MAP3K7CL: variants seen among roughly 807,000 people sequenced by gnomAD.
MAP3K7CL encodes MAP3K7 C-terminal-like protein.
A neutral mutation model predicts 18.6 loss-of-function variants in MAP3K7CL; 16 were observed. That is an observed-to-expected ratio of 0.86 (90% CI 0.58 to 1.31). The LOEUF (loss-of-function observed/expected upper bound fraction) is 1.31, where lower values mean the gene tolerates loss of function less well. Among genes scored for constraint, MAP3K7CL ranks in the 50% most tolerant of loss-of-function variants. MAP3K7CL has a pLI of 0.00. For synonymous variants in MAP3K7CL, 65 were observed against 66.8 expected (o/e 0.97, Z 0.13); for missense variants, 163 against 174.4 (o/e 0.93, Z 0.37).
At chr21:29,145,342 A>T (rs2087104607) in intron 2 of MAP3K7CL, among the ~76,000 whole-genome samples, 1 of 152,050 alleles carries the variant, frequency 6.6e-6, no homozygotes. Context: ...AGTCTACTTT[A>T]TGCTTCTGGA....
At chr21:29,083,852 A>G (rs192642732), upstream of MAP3K7CL, among the ~76,000 whole-genome samples, 1,247 of 149,794 alleles carry the variant, frequency 8.3e-3, 15 homozygotes, top group African/African-American at 0.028. Context: ...GTGTGTATAT[A>G]TGTGTGTGTG....
intron 4 of MAP3K7CL, chr21:29,122,241 T>C (rs1246881359): frequency 2.6e-5 from 4 of 152,226 alleles, no homozygotes; most frequent in African/African-American, 9.7e-5. Flanking sequence ...CCAGGATGAG[T>C]GCTTCTGGGT....
chr21:29,087,211 C>T lies in MAP3K7CL; in HGVS notation c.57+1294C>T, dbSNP rs549242759. Among the ~76,000 whole-genome samples, 6 of 152,312 alleles carry T rather than the reference C, an allele frequency of 3.9e-5. No individual in the cohort carries two copies. The South Asian group carries it at 1.2e-3, about 32-fold the overall frequency. ...CTCCTTCAGGTCCCAGATTAAATCT[C>T]GTCTCCCCAGAGAGGGTTTCCTTGA... is the stretch of plus-strand genomic sequence containing the variant. On this transcript the variant is annotated intron_variant, in intron 1 of 6. Coordinates refer to the MAP3K7CL transcript ENST00000286791.
intron 4 of MAP3K7CL, among the ~76,000 whole-genome samples, chr21:29,170,074 T>C (rs1041081467): frequency 1.3e-5 from 2 of 152,238 alleles, no homozygotes; most frequent in Non-Finnish European, 2.9e-5. Context: ...ATAATACATA[T>C]TGATTTGTTC....
chr21:29,082,673 G>A (rs2085855373), upstream of MAP3K7CL, among the ~76,000 whole-genome samples: 1 of 152,180 alleles, frequency 6.6e-6, no homozygotes, highest in Admixed American at 6.5e-5. Context: ...GCCACACCCA[G>A]GATCAGTGTG....
At chr21:29,119,623 T>C (rs4817272) in intron 4 of MAP3K7CL, among the ~76,000 whole-genome samples, 34,672 of 151,488 alleles carry the variant, frequency 0.23, 4,596 homozygotes, top group East Asian at 0.4. Context: ...AAAACGTGCA[T>C]GGGATATAAG....
rs1227316436 is a variant in MAP3K7CL, at chr21:29,133,516, G to A, written c.70+102G>A. ...GTGGAAAATTTAAAGTTGCATGCTT[G>A]CATGACCTGATGATGGGGAATGTGA... On this transcript the variant is annotated intron_variant, in intron 2 of 4. Transcript: ENST00000399928. The A allele has an allele frequency of 1.2e-5, 9 of 742,324 alleles. No individual in the cohort carries two copies. In the South Asian group the frequency reaches 1.2e-4, roughly 10 times the overall value. 46.0% of individuals were successfully genotyped at this position (742,324 alleles called of 1,614,324 possible). A position where few individuals can be genotyped will look rare whatever the true frequency, so the allele number is the denominator to read the frequency against.
chr21:29,171,283 C>G (rs1160876897), intron 4 of MAP3K7CL, among the ~76,000 whole-genome samples: 1 of 152,162 alleles, frequency 6.6e-6, no homozygotes, highest in African/African-American at 2.4e-5. Context: ...ATCCAAAAAT[C>G]AGTAACAGCC....
chr21:29,113,361 T>C (rs1386822200), intron 4 of MAP3K7CL, among the ~76,000 whole-genome samples: 1 of 152,226 alleles, frequency 6.6e-6, no homozygotes, highest in Non-Finnish European at 1.5e-5. Flanking sequence ...GAAATTGTAA[T>C]TTTTAGCTCC....
intron 4 of MAP3K7CL, among the ~76,000 whole-genome samples, chr21:29,114,788 G>A (rs2086478103): frequency 6.6e-6 from 1 of 152,106 alleles, no homozygotes; most frequent in Non-Finnish European, 1.5e-5. Context: ...GTGTAGACCA[G>A]GCCCTGGATT....
At chr21:29,088,024 TCTA>T (rs1484115672) in intron 1 of MAP3K7CL, among the ~76,000 whole-genome samples, 1 of 152,220 alleles carries the variant, frequency 6.6e-6, no homozygotes, top group African/African-American at 2.4e-5. Context: ...TGTATTTTAA[TCTA>T]CTCACTAAGT....
At chr21:29,170,958 T>A (rs1230187024) in intron 4 of MAP3K7CL, among the ~76,000 whole-genome samples, 1 of 150,784 alleles carries the variant, frequency 6.6e-6, no homozygotes, top group East Asian at 1.9e-4. Context: ...TTTTTTTTAA[T>A]TTATATAGGC....
chr21:29,111,109 A>G (rs977429766), intron 4 of MAP3K7CL, among the ~76,000 whole-genome samples: 2 of 152,048 alleles, frequency 1.3e-5, no homozygotes, highest in Non-Finnish European at 2.9e-5. Context: ...ACAAAAACTT[A>G]GCCAGGCGTG....
chr21:29,092,704 C>A, intron 4 of MAP3K7CL: 1 of 1,084,068 alleles, frequency 9.2e-7, no homozygotes, highest in Non-Finnish European at 1.3e-6. Flanking sequence ...CAGAGCAGGA[C>A]AATGGCTCTA....
intron 3 of MAP3K7CL, chr21:29,092,302 A>AACTCCAGTTTAGAGG: frequency 1.1e-6 from 1 of 946,264 alleles, no homozygotes; most frequent in Non-Finnish European, 1.6e-6. Flanking sequence ...TCCAGATTTA[A>AACTCCAGTTTAGAGG]ACCATTAACA....
chr21:29,110,104 C>T (rs994346466), intron 4 of MAP3K7CL, among the ~76,000 whole-genome samples: 4 of 152,048 alleles, frequency 2.6e-5, no homozygotes, highest in African/African-American at 9.7e-5. Flanking sequence ...AACTTTTAAC[C>T]ATTCACGTTT....
chr21:29,126,764 G>C (rs1371921366), upstream of MAP3K7CL, among the ~76,000 whole-genome samples: 1 of 152,110 alleles, frequency 6.6e-6, no homozygotes, highest in African/African-American at 2.4e-5. Flanking sequence ...TGGCTCACAA[G>C]TGTAAAATAT....
upstream of MAP3K7CL, among the ~76,000 whole-genome samples, chr21:29,082,114 A>G (rs562149827): frequency 5.3e-5 from 8 of 152,354 alleles, no homozygotes; most frequent in Admixed American, 5.2e-4. Context: ...TGGATGAGCT[A>G]ACTGAATCTG....
intron 4 of MAP3K7CL, chr21:29,109,621 A>T: frequency 1.0e-6 from 1 of 997,192 alleles, no homozygotes; most frequent in South Asian, 4.5e-5. Context: ...CTCGTCACAG[A>T]GTTGATATAG....
Sources: allele counts gnomAD v4.1 joint callset (sites outside exome capture counted in the v4.1 genomes callset), GRCh38; gene constraint gnomAD v4.1.1; transcripts MANE v1.5; gene names NCBI Gene and HGNC (gene_info 2026-07-23, HGNC 2026-07-21).